Variants in GAB1 observed in about 807,000 individuals in gnomAD.
GAB1 encodes GRB2-associated-binding protein 1.
In GAB1, 19 loss-of-function variants were observed where a neutral mutation model predicts 66.5. That is an observed-to-expected ratio of 0.29 (90% CI 0.20 to 0.42). The LOEUF is 0.42. Ranked by LOEUF, GAB1 falls within the 10% of genes least tolerant of loss-of-function variation. GAB1 has a pLI of 1.00. For synonymous variants in GAB1, 294 were observed against 301.4 expected (o/e 0.98, Z 0.25); for missense variants, 732 against 858.5 (o/e 0.85, Z 1.84).
chr4:143,349,417 G>A, intron 1 of GAB1: 1 of 1,084,752 alleles, frequency 9.2e-7, no homozygotes, highest in Non-Finnish European at 1.4e-6. Context: ...ATAGCTGTAG[G>A]TCTTAGAAAT....
intron 2 of GAB1, among the ~76,000 whole-genome samples, chr4:143,420,992 T>G (rs1157632381): frequency 2.0e-5 from 3 of 152,100 alleles, no homozygotes; most frequent in African/African-American, 4.8e-5. Context: ...TATTGATCTA[T>G]ATCTACATGT....
chr4:143,438,501 G>A lies in GAB1; in HGVS notation c.1096G>A (p.Ala366Thr), dbSNP rs559288020. The change falls in exon 4 of 10, where the codon GCC (alanine) becomes ACC (threonine). Residue 366 changes from alanine (A) to threonine (T), a missense_variant. Ala to Thr is a moderately conservative substitution (Grantham distance 58, BLOSUM62 0). This residue lies in a region of GAB1 where 427 missense variants were observed against 420.6 expected (regional missense o/e 1.02). Transcript: ENST00000262994. ...GGAAACGTGTAGTATCCCACGCACC[G>A]CCTCAGACACTGACAGTAGTTACTG... ...PVETCSIPRT[A>T]SDTDSSYCIP... The A allele has an allele frequency of 9.3e-6, 15 of 1,613,818 alleles. No individual in the cohort carries two copies. The highest frequency in any genetic ancestry group is 1.6e-4 in the Middle Eastern group (1 of 6,062).
At chr4:143,408,257 A>T (rs530993999) in intron 1 of GAB1, among the ~76,000 whole-genome samples, 3 of 152,226 alleles carry the variant, frequency 2.0e-5, no homozygotes, top group African/African-American at 7.2e-5. Flanking sequence ...TGTGCACATC[A>T]TTCCTAGGTT....
At chr4:143,355,522 G>A (rs1729410909) in intron 1 of GAB1, among the ~76,000 whole-genome samples, 1 of 152,120 alleles carries the variant, frequency 6.6e-6, no homozygotes, top group Non-Finnish European at 1.5e-5. Context: ...TCAGATTGTT[G>A]TGCCAGCCCA....
At position 143,440,398 on chromosome 4, in the gene GAB1, C is replaced by A; in HGVS notation, c.1585+16C>A. On this transcript the variant is annotated intron_variant, in intron 6 of 9. Transcript: ENST00000262994. ...GACAGAAAAGGTAAGGAGAGCATGG[C>A]AAAGTAAAAGGCTTGGGGAGTGCCA... The A allele has an allele frequency of 6.3e-7, 1 of 1,582,644 alleles. No individual in the cohort carries two copies.
chr4:143,394,224 A>G (rs917190732), intron 1 of GAB1, among the ~76,000 whole-genome samples: 5 of 152,280 alleles, frequency 3.3e-5, no homozygotes, highest in African/African-American at 9.6e-5. Flanking sequence ...CAGTGAGCCG[A>G]GATCGTGCTA....
rs1179531057 is a variant in GAB1 at position 143,470,513 on chromosome 4, C to T, written c.*1324C>T. 3.3e-5 allele frequency: 5 copies of T among 152,168 alleles called. No individual in the cohort carries two copies. Among genetic ancestry groups the T allele is most frequent in the Admixed American group, 3.3e-4 (5 of 15,270 alleles). 9.4% of individuals were successfully genotyped at this position (152,168 alleles called of 1,614,324 possible). ...AGAGGGATGGTATAATTCTGTCTCA[C>T]CTATAACATGGTCCTGTGACATAGA... On this transcript the variant is annotated 3_prime_UTR_variant, in exon 10 of 10. Coordinates refer to ENST00000262994, the MANE Select transcript of GAB1 (RefSeq NM_002039.4).
At chr4:143,377,874 G>T (rs1730481929) in intron 1 of GAB1, among the ~76,000 whole-genome samples, 1 of 152,144 alleles carries the variant, frequency 6.6e-6, no homozygotes, top group Non-Finnish European at 1.5e-5. Flanking sequence ...GAAATTTCTG[G>T]TTTGCAGTGG....
intron 1 of GAB1, among the ~76,000 whole-genome samples, chr4:143,385,081 T>C (rs1730837923): frequency 1.3e-5 from 2 of 152,184 alleles, no homozygotes; most frequent in Non-Finnish European, 2.9e-5. Flanking sequence ...GAGTCCTGTG[T>C]CCTGAGTTTA....
At chr4:143,465,031 A>G (rs1735707676) in intron 8 of GAB1, among the ~76,000 whole-genome samples, 1 of 152,230 alleles carries the variant, frequency 6.6e-6, no homozygotes, top group African/African-American at 2.4e-5. Flanking sequence ...GAACATTAAT[A>G]TCAACAGTGC....
chr4:143,447,319 C>G (rs981164635), intron 6 of GAB1, among the ~76,000 whole-genome samples: 2 of 152,042 alleles, frequency 1.3e-5, no homozygotes, highest in East Asian at 1.9e-4. Flanking sequence ...TAGTTTTTTC[C>G]AATTCTGTGA....
intron 3 of GAB1, among the ~76,000 whole-genome samples, chr4:143,436,792 G>A (rs898636588): frequency 1.3e-5 from 2 of 152,142 alleles, no homozygotes; most frequent in Non-Finnish European, 2.9e-5. Context: ...GAGTAACCAA[G>A]TAGAAATATT....
intron 2 of GAB1, among the ~76,000 whole-genome samples, chr4:143,416,171 C>G (rs550837894): frequency 1.3e-5 from 2 of 151,096 alleles, no homozygotes; most frequent in East Asian, 2.0e-4. Flanking sequence ...TCTGGGAGGC[C>G]GAGGCGGGTG....
chr4:143,384,461 A>G (rs1325888653), intron 1 of GAB1, among the ~76,000 whole-genome samples: 3 of 152,342 alleles, frequency 2.0e-5, no homozygotes, highest in Non-Finnish European at 4.4e-5. Context: ...TGGCTGTGCT[A>G]TAATTTCAGG....
At chr4:143,343,569 T>C (rs300919) in intron 1 of GAB1, 72,819 of 154,682 alleles carry the variant, frequency 0.47, 18,592 homozygotes, top group East Asian at 0.76. Flanking sequence ...AGGCCCACTC[T>C]CTGCCCTTAA....
chr4:143,455,015 C>G (rs1023206953), intron 6 of GAB1, among the ~76,000 whole-genome samples: 11 of 152,066 alleles, frequency 7.2e-5, no homozygotes, highest in African/African-American at 2.7e-4. Flanking sequence ...TTTTCATAGG[C>G]CGTGATCATT....
chr4:143,466,107 T>C lies in GAB1; in HGVS notation c.1808T>C (p.Leu603Pro). Reference sequence around the variant, plus strand: ...TTTGTTGTCTAATACTTTCAGAATCTCTTTGGCAGTAACAGTCTTGATGGA... The same window carrying C: ...TTTGTTGTCTAATACTTTCAGAATCCCTTTGGCAGTAACAGTCTTGATGGA... ...NPNLSSEDPN[L>P]FGSNSLDGGS... is the part of the protein sequence containing the mutation. The change falls in exon 9 of 10, where the codon CTC becomes CCC. Residue 603 changes from leucine to proline, a missense_variant. Physicochemically the swap from Leu to Pro is moderately conservative, Grantham distance 98. Around this residue, in one of 4 missense-constraint regions of GAB1, gnomAD observed 204 missense variants for 276.8 expected, o/e 0.74. Coordinates refer to ENST00000262994, the MANE Select transcript of GAB1 (RefSeq NM_002039.4). 6.2e-7 allele frequency: 1 copy of C among 1,613,568 alleles called. No individual in the cohort carries two copies. Among genetic ancestry groups the C allele is most frequent in the Non-Finnish European group, 8.5e-7 (1 of 1,179,642 alleles).
At chr4:143,460,801 C>T (rs1408152226) in intron 8 of GAB1, among the ~76,000 whole-genome samples, 2 of 151,988 alleles carry the variant, frequency 1.3e-5, no homozygotes, top group Non-Finnish European at 1.5e-5. Context: ...GGCTAGCCTG[C>T]ACAACATGTC....
intron 2 of GAB1, chr4:143,424,910 G>A (rs763161635): frequency 7.6e-6 from 4 of 528,354 alleles, no homozygotes; most frequent in Non-Finnish European, 1.4e-5. Flanking sequence ...AGCCAAGATT[G>A]TTTCACTGCA....
Sources: allele counts gnomAD v4.1 joint callset (sites outside exome capture counted in the v4.1 genomes callset), GRCh38; gene constraint gnomAD v4.1.1; regional missense constraint gnomAD v4.1.1; transcripts MANE v1.5; gene names NCBI Gene and HGNC (gene_info 2026-07-23, HGNC 2026-07-21).